TTC27: variants seen among roughly 807,000 people sequenced by gnomAD.
TTC27 encodes tetratricopeptide repeat protein 27.
A neutral mutation model predicts 115.9 loss-of-function variants in TTC27; 79 were observed. The ratio of observed to expected loss-of-function variants is 0.68; its 90% CI spans 0.57 to 0.82. The LOEUF is 0.82. TTC27 is among the 40% of genes least tolerant of loss of function. The pLI is 0.00. For synonymous variants in TTC27, 401 were observed against 356.0 expected, an observed-to-expected ratio of 1.13 and a Z score of -1.42; for missense variants, 1,054 against 993.1, an observed-to-expected ratio of 1.06 and a Z score of -0.82.
intron 16 of TTC27, among the ~76,000 whole-genome samples, chr2:32,789,873 A>T (rs1292075921): frequency 6.9e-6 from 1 of 144,824 alleles, no homozygotes; most frequent in Non-Finnish European, 1.5e-5. Flanking sequence ...GTGAGCCATG[A>T]TCACACCACT....
chr2:32,790,067 A>C (rs1352901740), intron 16 of TTC27, among the ~76,000 whole-genome samples: 2 of 151,586 alleles, frequency 1.3e-5, no homozygotes, highest in Admixed American at 6.6e-5. Flanking sequence ...ATATTTTCCT[A>C]GTATGAATTC....
At chr2:32,716,520 G>T (rs1336268532) in intron 10 of TTC27, among the ~76,000 whole-genome samples, 1 of 151,834 alleles carries the variant, frequency 6.6e-6, no homozygotes, top group Non-Finnish European at 1.5e-5. Context: ...TAATACTTCT[G>T]TCTCTTGATT....
At chr2:32,691,861 G>T in intron 9 of TTC27, among the ~76,000 whole-genome samples, 1 of 151,866 alleles carries the variant, frequency 6.6e-6, no homozygotes. Context: ...AGAAATGAGA[G>T]AACTTTTCTT....
chr2:32,653,603 A>AC (rs1240197376), intron 5 of TTC27, among the ~76,000 whole-genome samples: 1 of 151,268 alleles, frequency 6.6e-6, no homozygotes, highest in Non-Finnish European at 1.5e-5. Context: ...CAAAAAAAAA[A>AC]AAACAAAAAA....
intron 13 of TTC27, among the ~76,000 whole-genome samples, chr2:32,760,281 G>C (rs937706527): frequency 3.3e-5 from 5 of 152,216 alleles, no homozygotes; most frequent in African/African-American, 4.8e-5. Flanking sequence ...GGGTGTATTT[G>C]ACAGCAAGGA....
rs138573414 is a variant in TTC27, at chr2:32,774,572, C to A, written c.1681-3310C>A. Among the ~76,000 whole-genome samples the A allele has an allele frequency of 2.0e-5, 3 of 152,294 alleles. No individual in the cohort carries two copies. In the East Asian group the frequency reaches 5.8e-4, roughly 29 times the overall value. On this transcript the variant is annotated intron_variant, in intron 13 of 19. Transcript: ENST00000317907. ...AGAGATTTTTGTACCCAAACATATA[C>A]AACTATGTTCTGAGGAATCGAGAGA...
chr2:32,663,191 A>G (rs894516832), intron 5 of TTC27, among the ~76,000 whole-genome samples: 1 of 152,084 alleles, frequency 6.6e-6, no homozygotes, highest in African/African-American at 2.4e-5. Context: ...GAATGGTTCT[A>G]TCTTGCTGGT....
At chr2:32,757,030 A>T (rs1669257577) in intron 12 of TTC27, among the ~76,000 whole-genome samples, 2 of 152,216 alleles carry the variant, frequency 1.3e-5, no homozygotes, top group Admixed American at 1.3e-4. Context: ...TTTAATTTCT[A>T]AAGTGAATGG....
At chr2:32,636,448 A>G (rs1274078676) in intron 3 of TTC27, among the ~76,000 whole-genome samples, 2 of 152,236 alleles carry the variant, frequency 1.3e-5, no homozygotes, top group South Asian at 2.1e-4. Context: ...TCCTGACCTC[A>G]GGTGATCCAC....
chr2:32,811,695 T>C (rs150618745), intron 17 of TTC27, among the ~76,000 whole-genome samples: 1 of 152,374 alleles, frequency 6.6e-6, no homozygotes, highest in Non-Finnish European at 1.5e-5. Flanking sequence ...TTACAAAGGT[T>C]GCCCTGCCCT....
At chr2:32,646,380 G>C (rs562885927) in intron 4 of TTC27, among the ~76,000 whole-genome samples, 61 of 151,992 alleles carry the variant, frequency 4.0e-4, no homozygotes, top group African/African-American at 1.3e-3. Flanking sequence ...CATTGCCCAG[G>C]CTTGTCTGAA....
rs2273659 is a variant in TTC27, at chr2:32,702,796, G to A, written c.1120-11G>A. 322,059 of 1,581,612 alleles carry A rather than the reference G, an allele frequency of 0.2. 35,213 individuals are homozygous for A. Among genetic ancestry groups the A allele is most frequent in the South Asian group, 0.36 (31,964 of 89,380 alleles). On this transcript the variant is annotated splice_polypyrimidine_tract_variant and intron_variant, in intron 9 of 19. Coordinates refer to ENST00000317907, the MANE Select transcript of TTC27 (RefSeq NM_017735.5). ...TCTTTTCTATGATTTTTTTCTTCCC[G>A]CTTCTATCAGTGTTTGCTTTCACAA...
chr2:32,755,364 C>G (rs577625535), intron 12 of TTC27, among the ~76,000 whole-genome samples: 1 of 152,312 alleles, frequency 6.6e-6, no homozygotes, highest in East Asian at 1.9e-4. Flanking sequence ...GCGGATCACT[C>G]GCGGTTAGGA....
At chr2:32,701,944 G>A (rs956788162) in intron 9 of TTC27, among the ~76,000 whole-genome samples, 10 of 150,952 alleles carry the variant, frequency 6.6e-5, no homozygotes, top group Admixed American at 2.6e-4. Flanking sequence ...TCAGGAAGCC[G>A]AAGCTGTAGC....
chr2:32,805,262 T>C (rs1427470027), intron 16 of TTC27, among the ~76,000 whole-genome samples: 3 of 152,310 alleles, frequency 2.0e-5, no homozygotes, highest in Admixed American at 2.0e-4. Flanking sequence ...GGGTTACATG[T>C]GCTCACAGAG....
rs774891499 is a variant in TTC27, at chr2:32,672,290, G to A, written c.958G>A (p.Asp320Asn). The A allele has an allele frequency of 6.2e-7, 1 of 1,613,464 alleles. No individual in the cohort carries two copies. ...HLTKNLELND[D>N]TILNDIKLAD... Reference sequence around the variant, plus strand: ...CTACTAGAATCTTGAGCTCAATGATGACACCATTCTGAATGACATAAAGTT... The same window carrying A: ...CTACTAGAATCTTGAGCTCAATGATAACACCATTCTGAATGACATAAAGTT... Residue 320 changes from aspartate to asparagine, a missense_variant, in exon 8 of 20, where the codon GAC becomes AAC. By Grantham distance (23) the Asp-to-Asn change is conservative. Coordinates refer to ENST00000317907, the MANE Select transcript of TTC27 (RefSeq NM_017735.5).
At chr2:32,652,989 T>G (rs1665186631) in intron 5 of TTC27, among the ~76,000 whole-genome samples, 1 of 152,162 alleles carries the variant, frequency 6.6e-6, no homozygotes. Flanking sequence ...GCTGGGCTGA[T>G]TACATCTATA....
At chr2:32,741,004 T>C (rs935264866) in intron 12 of TTC27, among the ~76,000 whole-genome samples, 3 of 152,208 alleles carry the variant, frequency 2.0e-5, no homozygotes, top group Non-Finnish European at 2.9e-5. Context: ...ATTTTCTCCT[T>C]CTTTTACTCC....
chr2:32,718,696 C>A (rs1667828351), intron 10 of TTC27, among the ~76,000 whole-genome samples: 1 of 152,000 alleles, frequency 6.6e-6, no homozygotes. Flanking sequence ...GTCTCATTGT[C>A]TTAGAGGCTT....
Sources: gnomAD v4.1 joint callset for allele counts (sites outside exome capture counted in the v4.1 genomes callset) on GRCh38, gnomAD v4.1.1 for gene constraint, MANE v1.5 for transcripts, NCBI Gene and HGNC (gene_info 2026-07-23, HGNC 2026-07-21) for gene names.